The following EPHA3 variants were observed in gnomAD, a reference collection of about 807,000 sequenced individuals.
EPHA3 encodes EPH receptor A3.
Under a neutral mutation model 107.1 loss-of-function variants are expected in EPHA3, and 42 were observed. The observed-to-expected ratio is 0.39, with a 90% confidence interval of 0.31 to 0.51. The LOEUF (loss-of-function observed/expected upper bound fraction) is 0.51, where lower values mean the gene tolerates loss of function less well. Among genes scored for constraint, EPHA3 ranks in the 20% least tolerant of loss-of-function variants. EPHA3 has a pLI of 0.78. For synonymous variants in EPHA3, 461 were observed against 424.8 expected (o/e 1.09, Z -1.05); for missense variants, 1,183 against 1,211.2 (o/e 0.98, Z 0.35).
intron 2 of EPHA3, among the ~76,000 whole-genome samples, chr3:89,136,446 C>G (rs1241222117): frequency 7.1e-6 from 1 of 139,982 alleles, no homozygotes. Context: ...TTTATTCTAG[C>G]GACTTTTAAT....
intron 3 of EPHA3, among the ~76,000 whole-genome samples, chr3:89,307,839 C>T (rs1389101797): frequency 6.6e-6 from 1 of 152,170 alleles, no homozygotes; most frequent in African/African-American, 2.4e-5. Context: ...AGACATGAGT[C>T]ACTGTTCCAG....
intron 3 of EPHA3, among the ~76,000 whole-genome samples, chr3:89,282,335 T>A (rs1360500053): frequency 2.6e-5 from 4 of 152,206 alleles, no homozygotes; most frequent in African/African-American, 9.6e-5. Context: ...AGACTTTGTT[T>A]TGAGTATTGA....
At chr3:89,243,972 T>A (rs946785801) in intron 3 of EPHA3, among the ~76,000 whole-genome samples, 1 of 152,218 alleles carries the variant, frequency 6.6e-6, no homozygotes, top group Admixed American at 6.5e-5. Context: ...ATAAAGCCCC[T>A]CACTTTGATA....
intron 3 of EPHA3, among the ~76,000 whole-genome samples, chr3:89,319,235 G>A (rs1706983591): frequency 6.6e-6 from 1 of 151,904 alleles, no homozygotes; most frequent in Non-Finnish European, 1.5e-5. Flanking sequence ...AGAGAGAGGA[G>A]GGAGAAGAGA....
intron 10 of EPHA3, 71 bp from the exon 11 acceptor site, chr3:89,419,134 C>G (rs1709305521): frequency 1.4e-6 from 2 of 1,409,780 alleles, no homozygotes; most frequent in East Asian, 4.7e-5. Context: ...TGAAATAAAA[C>G]AGTTGCTCTC....
At chr3:89,391,980 A>T (rs1022519836) in intron 5 of EPHA3, among the ~76,000 whole-genome samples, 1 of 152,136 alleles carries the variant, frequency 6.6e-6, no homozygotes, top group Admixed American at 6.5e-5. Flanking sequence ...TACGGTTTTA[A>T]ATTTTCTTTT....
At chr3:89,187,702 G>A (rs1184335374) in intron 2 of EPHA3, among the ~76,000 whole-genome samples, 1 of 152,052 alleles carries the variant, frequency 6.6e-6, no homozygotes, top group Admixed American at 6.6e-5. Context: ...CATGATGTGC[G>A]AGAGTGTGTG....
chr3:89,324,962 T>G (rs1237048097), intron 3 of EPHA3, among the ~76,000 whole-genome samples: 2 of 152,194 alleles, frequency 1.3e-5, no homozygotes, highest in South Asian at 4.1e-4. Flanking sequence ...TATTTGGTTT[T>G]CTGTTCCTGC....
chr3:89,276,228 C>T (rs1402927835), intron 3 of EPHA3, among the ~76,000 whole-genome samples: 2 of 152,044 alleles, frequency 1.3e-5, no homozygotes, highest in Non-Finnish European at 2.9e-5. Context: ...AAAAATATGT[C>T]AACCTTTTAA....
At chr3:89,190,416 A>T (rs905276692) in intron 2 of EPHA3, among the ~76,000 whole-genome samples, 8 of 152,210 alleles carry the variant, frequency 5.3e-5, no homozygotes, top group Admixed American at 3.3e-4. Flanking sequence ...TTAACCAATT[A>T]CCTATAAACA....
At chr3:89,408,293 G>C (rs188948169) in intron 9 of EPHA3, among the ~76,000 whole-genome samples, 162 bp downstream of exon 9, 32 of 152,218 alleles carry the variant, frequency 2.1e-4, no homozygotes, top group African/African-American at 7.7e-4. Flanking sequence ...GGAAATTCAT[G>C]GTTCTGCATT....
intron 2 of EPHA3, among the ~76,000 whole-genome samples, chr3:89,189,307 C>T (rs903610953): frequency 2.6e-5 from 4 of 152,112 alleles, no homozygotes; most frequent in African/African-American, 9.7e-5. Flanking sequence ...GAAAACTATA[C>T]TAAGAGACTG....
chr3:89,366,220 G>C (rs1423283829), intron 5 of EPHA3, among the ~76,000 whole-genome samples: 1 of 150,370 alleles, frequency 6.7e-6, no homozygotes, highest in Non-Finnish European at 1.5e-5. Flanking sequence ...CACATATTGA[G>C]TTCCTTTTGG....
chr3:89,477,166 A>G (rs1237665247), intron 16 of EPHA3, among the ~76,000 whole-genome samples: 2 of 152,158 alleles, frequency 1.3e-5, no homozygotes, highest in Non-Finnish European at 2.9e-5. Context: ...CACATTCTCA[A>G]AGGCAGGGAT....
intron 9 of EPHA3, among the ~76,000 whole-genome samples, chr3:89,412,938 A>C (rs188119797): frequency 6.6e-6 from 1 of 151,662 alleles, no homozygotes; most frequent in Non-Finnish European, 1.5e-5. Flanking sequence ...CCTTTATATA[A>C]TTCATCATAG....
At chr3:89,219,462 C>T (rs970040358) in intron 3 of EPHA3, among the ~76,000 whole-genome samples, 11 of 151,238 alleles carry the variant, frequency 7.3e-5, no homozygotes, top group African/African-American at 1.2e-4. Context: ...CGTGCCCTGC[C>T]CCCCACAACA....
rs373081017 is a variant in EPHA3, at chr3:89,286,119, CGTGTGTGTGTGT to C, written c.815-54766_815-54755del. Among the ~76,000 whole-genome samples, 320 of 136,652 alleles carry C rather than the reference CGTGTGTGTGTGT, an allele frequency of 2.3e-3. 1 individual carries two copies. The highest frequency in any genetic ancestry group is 8.3e-3 in the Middle Eastern group (2 of 242). 89.6% of individuals were successfully genotyped at this position (136,652 alleles called of 152,430 possible). ...TTTAAACTAGGAGGATCAATTTCTA[CGTGTGTGTGTGT>C]GTGTGTGTGTGTGTGTGTGTGTGTG... On this transcript the variant is annotated intron_variant, in intron 3 of 16. Transcript: ENST00000336596.
At chr3:89,134,232 T>A (rs982541311) in intron 2 of EPHA3, among the ~76,000 whole-genome samples, 5 of 150,286 alleles carry the variant, frequency 3.3e-5, no homozygotes, top group African/African-American at 2.4e-5. Flanking sequence ...TTTAAAAAAA[T>A]TATACTTTAA....
In EPHA3 at chr3:89,413,227, G is replaced by A. The variant is rs374235660; in HGVS notation, c.1849G>A (p.Asp617Asn). ...QAVHEFAKELDATNISIDKVV... is the reference protein window; with the variant it reads ...QAVHEFAKELNATNISIDKVV... ...TGTTCATGAGTTTGCCAAGGAATTGGATGCCACCAACATATCCATTGATAA... is the reference window on the plus strand; with the variant it reads ...TGTTCATGAGTTTGCCAAGGAATTGAATGCCACCAACATATCCATTGATAA... Residue 617 changes from aspartate to asparagine, a missense_variant, in exon 10 of 17, where the codon GAT (aspartate) becomes AAT (asparagine). Transcript: ENST00000336596. The A allele has an allele frequency of 4.5e-5, 73 of 1,611,630 alleles. No individual in the cohort carries two copies. Among genetic ancestry groups the A allele is most frequent in the Non-Finnish European group, 5.7e-5 (67 of 1,178,442 alleles).
Sources: allele counts gnomAD v4.1 joint callset (sites outside exome capture counted in the v4.1 genomes callset), GRCh38; gene constraint gnomAD v4.1.1; transcripts MANE v1.5; gene names NCBI Gene and HGNC (gene_info 2026-07-23, HGNC 2026-07-21).